Variants in GSE1 observed in about 807,000 individuals in gnomAD.
GSE1 encodes the protein Gse1 coiled-coil protein.
Under a neutral mutation model 112.6 loss-of-function variants are expected in GSE1, and 32 were observed. The observed-to-expected ratio is 0.28, with a 90% CI of 0.21 to 0.38. The LOEUF (loss-of-function observed/expected upper bound fraction) is 0.38, where lower values mean the gene tolerates loss of function less well. Ranked by LOEUF, GSE1 falls within the 10% of genes least tolerant of loss-of-function variation. The pLI, the probability that GSE1 is intolerant of heterozygous loss-of-function variation, is 1.00. For missense variants in GSE1, 2,348 were observed against 1,699.2 expected, an observed-to-expected ratio of 1.38 and a Z score of -6.71; for synonymous variants, 1,115 against 735.6, an observed-to-expected ratio of 1.52 and a Z score of -8.35.
In GSE1 at chr16:85,192,825, G is replaced by A. The variant is rs74031722; in HGVS notation, c.2283+21018G>A. On this transcript the variant is annotated intron_variant, in intron 1 of 2. Transcript: ENST00000637419. ...CAGAAGGAGAGAAGGCGATGGGGTC[G>A]AGGCAGCATCTGGGCCTCACCTGGA... Among the ~76,000 whole-genome samples, 231 of 152,266 alleles carry A rather than the reference G, an allele frequency of 1.5e-3. 1 individual carries two copies. The highest frequency in any genetic ancestry group is 5.3e-3 in the African/African-American group (222 of 41,582).
chr16:85,512,722 G>A (rs763333727), intron 2 of GSE1, among the ~76,000 whole-genome samples: 5 of 152,076 alleles, frequency 3.3e-5, no homozygotes, highest in Non-Finnish European at 7.4e-5. Context: ...ATATCAAAGC[G>A]CTCCCATCAC....
At chr16:85,652,849 T>A (rs2051489835) in intron 3 of GSE1, among the ~76,000 whole-genome samples, 1 of 152,046 alleles carries the variant, frequency 6.6e-6, no homozygotes, top group Admixed American at 6.5e-5. Context: ...CCTTGTTTTT[T>A]GGGTGTTTGG....
intron 2 of GSE1, among the ~76,000 whole-genome samples, chr16:85,410,434 T>G (rs192855633): frequency 6.6e-4 from 2 of 3,024 alleles, no homozygotes; most frequent in Admixed American, 2.8e-3. Context: ...CAGGGCCCCC[T>G]GGATAATCCT....
chr16:85,238,990 C>T (rs577017187), intron 1 of GSE1, among the ~76,000 whole-genome samples: 3 of 152,086 alleles, frequency 2.0e-5, no homozygotes, highest in African/African-American at 4.8e-5. Flanking sequence ...TGCAGTGGTG[C>T]GATCTCGGCT....
chr16:85,474,466 C>G (rs898634122), intron 2 of GSE1, among the ~76,000 whole-genome samples: 8 of 152,136 alleles, frequency 5.3e-5, no homozygotes, highest in South Asian at 4.1e-4. Context: ...GGGGCCATGC[C>G]AGCCCCGGCG....
At chr16:85,288,603 G>A (rs941612844) in intron 1 of GSE1, among the ~76,000 whole-genome samples, 1 of 152,236 alleles carries the variant, frequency 6.6e-6, no homozygotes, top group African/African-American at 2.4e-5. Context: ...CCTCCCTTCT[G>A]TGGGGAGACA....
chr16:85,364,640 G>A (rs1490830793), intron 2 of GSE1, among the ~76,000 whole-genome samples: 1 of 152,120 alleles, frequency 6.6e-6, no homozygotes, highest in African/African-American at 2.4e-5. Context: ...GTGCCCTGAT[G>A]TCCCATCACC....
chr16:85,663,307 G>C, intron 10 of GSE1, 37 bp from the exon 11 acceptor site: 1 of 1,609,576 alleles, frequency 6.2e-7, no homozygotes, highest in Non-Finnish European at 8.5e-7. Context: ...ACCACTGCCA[G>C]TGGCTTCAAA....
intron 1 of GSE1, among the ~76,000 whole-genome samples, chr16:85,320,381 C>T (rs2046078018): frequency 1.3e-5 from 2 of 152,248 alleles, no homozygotes; most frequent in East Asian, 1.9e-4. Context: ...CCAGTTTTCA[C>T]CTGGTGAATC....
At chr16:85,408,823 A>G (rs1306029343) in intron 2 of GSE1, among the ~76,000 whole-genome samples, 1 of 57,364 alleles carries the variant, frequency 1.7e-5, no homozygotes, top group African/African-American at 8.4e-5. Flanking sequence ...GGCCCCCCGG[A>G]TAATCCTCAC....
intron 1 of GSE1, among the ~76,000 whole-genome samples, chr16:85,321,044 A>C (rs899282887): frequency 1.3e-5 from 2 of 152,030 alleles, no homozygotes; most frequent in Non-Finnish European, 2.9e-5. Flanking sequence ...GATCTTATTT[A>C]GGTCGCCTTA....
At chr16:85,335,493 G>C (rs183306404) in intron 1 of GSE1, among the ~76,000 whole-genome samples, 1 of 151,782 alleles carries the variant, frequency 6.6e-6, no homozygotes, top group African/African-American at 2.4e-5. Context: ...GGCAGGAGGC[G>C]GAGGCCGTGC....
Position 85,655,909 on chromosome 16 carries a change from C to G in GSE1, c.981C>G (p.Ser327Arg), listed in dbSNP as rs553502127. Reference sequence around the variant, plus strand: ...ACTCGGAGCGCATGTCTGGCCTCAGCGCGGAGAGGTAAGTGCGTCTCGAGC... The same window carrying G: ...ACTCGGAGCGCATGTCTGGCCTCAGGGCGGAGAGGTAAGTGCGTCTCGAGC... ...ALHSERMSGLSAERLQMDEEL... is the reference protein window; with the variant it reads ...ALHSERMSGLRAERLQMDEEL... The change falls in exon 6 of 16, where the codon AGC (serine) becomes AGG (arginine). Residue 327 changes from serine to arginine, a missense_variant. By Grantham distance (110) the Ser-to-Arg change is moderately radical. Coordinates refer to ENST00000253458, the MANE Select transcript of GSE1 (RefSeq NM_014615.5). 4 of 1,602,112 alleles carry G rather than the reference C, an allele frequency of 2.5e-6. No homozygotes were observed. The highest frequency in any genetic ancestry group is 3.4e-6 in the Non-Finnish European group (4 of 1,179,156).
At chr16:85,582,567 T>G (rs2046495274) in intron 1 of GSE1, among the ~76,000 whole-genome samples, 1 of 152,094 alleles carries the variant, frequency 6.6e-6, no homozygotes, top group African/African-American at 2.4e-5. Context: ...CCTGGGTGGC[T>G]CCTCCCTCTG....
intron 1 of GSE1, among the ~76,000 whole-genome samples, chr16:85,208,573 C>T (rs1201386199): frequency 6.6e-6 from 1 of 152,236 alleles, no homozygotes; most frequent in African/African-American, 2.4e-5. Flanking sequence ...ACCTCTAGAC[C>T]AGGGACCGCA....
chr16:85,283,268 GC>G (rs1248144905), intron 1 of GSE1: 1 of 152,890 alleles, frequency 6.5e-6, no homozygotes, highest in Non-Finnish European at 1.5e-5. Flanking sequence ...TGTCCTCGCT[GC>G]GTCCTAACCA....
intron 1 of GSE1, among the ~76,000 whole-genome samples, chr16:85,621,939 C>G (rs1393580739): frequency 6.6e-6 from 1 of 152,216 alleles, no homozygotes; most frequent in African/African-American, 2.4e-5. Context: ...CATGGCGCAA[C>G]AAGAACTTTG....
chr16:85,283,210 C>G (rs970370617), intron 1 of GSE1: 7 of 153,040 alleles, frequency 4.6e-5, no homozygotes, highest in East Asian at 1.9e-4. Flanking sequence ...CCATTGGGCC[C>G]GGCCACACAG....
intron 1 of GSE1, among the ~76,000 whole-genome samples, chr16:85,596,770 G>A (rs946848243): frequency 5.9e-5 from 9 of 152,032 alleles, no homozygotes; most frequent in East Asian, 3.9e-4. Context: ...GCACGGTAGC[G>A]CACAGCTGTA....
Sources: gnomAD v4.1 joint callset for allele counts (sites outside exome capture counted in the v4.1 genomes callset) on GRCh38, gnomAD v4.1.1 for gene constraint, MANE v1.5 for transcripts, NCBI Gene and HGNC (gene_info 2026-07-23, HGNC 2026-07-21) for gene names.